Variants in RPS6KC1 observed in about 807,000 individuals in gnomAD.
RPS6KC1 encodes ribosomal protein S6 kinase C1, also known as inactive ribosomal protein S6 kinase delta-1.
Under a neutral mutation model 103.8 loss-of-function variants are expected in RPS6KC1, and 54 were observed. That is an observed-to-expected ratio of 0.52 (90% CI 0.42 to 0.65). The LOEUF (loss-of-function observed/expected upper bound fraction) is 0.65, where lower values mean the gene tolerates loss of function less well. RPS6KC1 is among the 30% of genes least tolerant of loss of function. RPS6KC1 has a pLI of 0.00. For synonymous variants in RPS6KC1, 439 were observed against 438.7 expected, an observed-to-expected ratio of 1.00 and a Z score of -0.01; for missense variants, 1,151 against 1,253.8, an observed-to-expected ratio of 0.92 and a Z score of 1.24.
the RPS6KC1 span, among the ~76,000 whole-genome samples, chr1:213,810,459 C>T: frequency 3.7e-4 from 56 of 152,184 alleles, no homozygotes; most frequent in East Asian, 1.4e-3. Context: ...AGAGCTTGGC[C>T]GAATTGGAAG....
At chr1:213,180,649 G>T (rs2092208199) in intron 8 of RPS6KC1, among the ~76,000 whole-genome samples, 1 of 152,116 alleles carries the variant, frequency 6.6e-6, no homozygotes, top group African/African-American at 2.4e-5. Context: ...AATAGCAGGG[G>T]AGAGAAGAAA....
intron 8 of RPS6KC1, among the ~76,000 whole-genome samples, chr1:213,196,123 C>G (rs115722226): frequency 3.9e-5 from 6 of 152,046 alleles, no homozygotes; most frequent in African/African-American, 1.5e-4. Context: ...CCCTTTTCAC[C>G]ACATCCACAC....
At chr1:213,508,140 C>T in the RPS6KC1 span, among the ~76,000 whole-genome samples, 1 of 152,144 alleles carries the variant, frequency 6.6e-6, no homozygotes, top group Non-Finnish European at 1.5e-5. Flanking sequence ...AATTCTATTA[C>T]ATTAAGAGGG....
At chr1:213,207,813 A>G (rs1255160973) in intron 8 of RPS6KC1, among the ~76,000 whole-genome samples, 2 of 152,104 alleles carry the variant, frequency 1.3e-5, no homozygotes, top group Admixed American at 1.3e-4. Flanking sequence ...AGCTGGGATT[A>G]CAGGTGTCCA....
the RPS6KC1 span, among the ~76,000 whole-genome samples, chr1:213,285,715 C>T: frequency 1.3e-5 from 2 of 151,986 alleles, no homozygotes; most frequent in African/African-American, 4.8e-5. Flanking sequence ...ATCTTGGTGT[C>T]CTCACAAAAT....
the RPS6KC1 span, among the ~76,000 whole-genome samples, chr1:213,781,879 G>A: frequency 6.6e-6 from 1 of 152,058 alleles, no homozygotes; most frequent in East Asian, 1.9e-4. Context: ...TCATTGTTGA[G>A]GATTCAGAAC....
chr1:213,195,279 A>C, intron 8 of RPS6KC1, among the ~76,000 whole-genome samples: 1 of 152,358 alleles, frequency 6.6e-6, no homozygotes, highest in Admixed American at 6.5e-5. Context: ...TACACACATA[A>C]TACCAGTGTC....
the RPS6KC1 span, among the ~76,000 whole-genome samples, chr1:213,845,402 A>G: frequency 5.9e-5 from 9 of 152,172 alleles, no homozygotes; most frequent in Admixed American, 2.6e-4. Context: ...TTTCAACACT[A>G]CACACACCTG....
At chr1:213,120,717 A>G (rs1393650773) in intron 5 of RPS6KC1, among the ~76,000 whole-genome samples, 1 of 152,144 alleles carries the variant, frequency 6.6e-6, no homozygotes, top group Admixed American at 6.6e-5. Flanking sequence ...GTCATTTTTC[A>G]TATTTGTGAA....
chr1:213,626,569 T>C, the RPS6KC1 span, among the ~76,000 whole-genome samples: 1 of 152,228 alleles, frequency 6.6e-6, no homozygotes, highest in African/African-American at 2.4e-5. Context: ...GGTCTAACAT[T>C]TAAGTTTTTA....
the RPS6KC1 span, among the ~76,000 whole-genome samples, chr1:213,626,057 G>T: frequency 6.6e-6 from 1 of 152,184 alleles, no homozygotes; most frequent in Non-Finnish European, 1.5e-5. Context: ...CAGTGTAAAA[G>T]TGTTCCTATT....
At chr1:213,280,545 G>A in the RPS6KC1 span, among the ~76,000 whole-genome samples, 1 of 152,312 alleles carries the variant, frequency 6.6e-6, no homozygotes, top group Non-Finnish European at 1.5e-5. Context: ...TTGTAGCAGA[G>A]CTGCTCTGTG....
At chr1:213,513,354 T>C in the RPS6KC1 span, among the ~76,000 whole-genome samples, 107 of 152,328 alleles carry the variant, frequency 7.0e-4, 2 homozygotes, top group Admixed American at 2.4e-3. Context: ...ATAATAAATA[T>C]GTGTTGTTTT....
the RPS6KC1 span, among the ~76,000 whole-genome samples, chr1:213,772,822 TA>T: frequency 6.6e-6 from 1 of 152,194 alleles, no homozygotes; most frequent in East Asian, 1.9e-4. Context: ...GGTTCGATGC[TA>T]ATGAGGCCAA....
chr1:213,807,741 G>A, the RPS6KC1 span, among the ~76,000 whole-genome samples: 11 of 151,960 alleles, frequency 7.2e-5, no homozygotes, highest in African/African-American at 1.7e-4. Context: ...CCTGTAGCTC[G>A]TAGTTTGATT....
At chr1:213,628,157 T>G in the RPS6KC1 span, among the ~76,000 whole-genome samples, 1 of 152,214 alleles carries the variant, frequency 6.6e-6, no homozygotes, top group Non-Finnish European at 1.5e-5. Flanking sequence ...TGGGAGGGTG[T>G]ATGTGTCGAG....
At chr1:213,427,501 T>G in the RPS6KC1 span, among the ~76,000 whole-genome samples, 1 of 152,226 alleles carries the variant, frequency 6.6e-6, no homozygotes, top group Non-Finnish European at 1.5e-5. Context: ...TGGCCTTTAT[T>G]TTATGTGCTA....
the RPS6KC1 span, among the ~76,000 whole-genome samples, chr1:213,662,369 C>A: frequency 6.6e-6 from 1 of 152,144 alleles, no homozygotes. Flanking sequence ...TCAAGCAATC[C>A]TCCAATCTCA....
chr1:213,800,164 G>A, the RPS6KC1 span, among the ~76,000 whole-genome samples: 19,281 of 152,092 alleles, frequency 0.13, 1,910 homozygotes, highest in African/African-American at 0.27. Flanking sequence ...AGCAGGGTGG[G>A]GGTGAGGGGA....
Sources: allele counts gnomAD v4.1 joint callset (sites outside exome capture counted in the v4.1 genomes callset), GRCh38; gene constraint gnomAD v4.1.1; transcripts MANE v1.5; gene names NCBI Gene and HGNC (gene_info 2026-07-23, HGNC 2026-07-21).